Variants in CCDC22 observed in about 807,000 individuals in gnomAD.
The protein encoded by CCDC22 is coiled-coil domain-containing protein 22.
CCDC22 carries 4 observed loss-of-function variants against 53.1 expected under a neutral mutation model. That is an observed-to-expected ratio of 0.08 (90% CI 0.04 to 0.17). The LOEUF is 0.17. Ranked by LOEUF, CCDC22 falls within the 10% of genes least tolerant of loss-of-function variation. CCDC22 has a pLI of 1.00. For missense variants in CCDC22, 458 were observed against 554.0 expected, an observed-to-expected ratio of 0.83 and a Z score of 1.74; for synonymous variants, 222 against 224.4, an observed-to-expected ratio of 0.99 and a Z score of 0.10.
intron 16 of CCDC22, 72 bp from the exon 17 acceptor site, chrX:49,250,076 A>C: frequency 1.6e-6 from 1 of 635,334 alleles, no homozygotes; most frequent in Non-Finnish European, 2.5e-6. Flanking sequence ...AGTGGCTGTG[A>C]TGGGGGCTGG....
intron 16 of CCDC22, among the ~76,000 whole-genome samples, 175 bp downstream of exon 16, chrX:49,249,900 C>T (rs1557115145): frequency 8.8e-6 from 1 of 113,046 alleles, no homozygotes; most frequent in East Asian, 2.8e-4. Flanking sequence ...AGCTTCCACC[C>T]CAAGGGCCCT....
chrX:49,249,371 G>A, intron 14 of CCDC22, 109 bp downstream of exon 14: 1 of 859,458 alleles, frequency 1.2e-6, no homozygotes, highest in Non-Finnish European at 1.7e-6. Flanking sequence ...CGAGGCTGGA[G>A]GTGCACTGAT....
Position 49,250,288 on chromosome X carries a change from A to T in CCDC22, c.*27A>T. 1 of 861,385 alleles carries T rather than the reference A, an allele frequency of 1.2e-6. No homozygotes were observed. Among genetic ancestry groups the T allele is most frequent in the Non-Finnish European group, 1.7e-6 (1 of 594,468 alleles). 71.0% of individuals were successfully genotyped at this position (861,385 alleles called of 1,213,427 possible). Reference sequence around the variant, plus strand: ...GAGCCGCCGGCAGAGGTCTCTCCCCAGCCTCAGGCAGGGATTTGGGGTGCT... The same window carrying T: ...GAGCCGCCGGCAGAGGTCTCTCCCCTGCCTCAGGCAGGGATTTGGGGTGCT... On this transcript the variant is annotated 3_prime_UTR_variant, in exon 17 of 17. Transcript: ENST00000376227.
Position 49,235,631 on chromosome X carries a change from T to A in CCDC22, c.-6T>A. The A allele has an allele frequency of 8.5e-7, 1 of 1,177,325 alleles. No individual in the cohort carries two copies. ...ACCCAGCCCCCGACTCCGACACGGC[T>A]CCACCATGGAGGAGGCGGACCGAAT... On this transcript the variant is annotated 5_prime_UTR_variant, in exon 1 of 17. Transcript: ENST00000376227.
intron 2 of CCDC22, among the ~76,000 whole-genome samples, chrX:49,240,843 T>C (rs1208795605): frequency 8.9e-6 from 1 of 112,059 alleles, no homozygotes; most frequent in Non-Finnish European, 1.9e-5. Flanking sequence ...CAAAGTAAAA[T>C]ACCTTAAAAG....
chrX:49,239,513 C>T (rs994083400), intron 2 of CCDC22: 56 of 649,114 alleles, frequency 8.6e-5, no homozygotes, highest in Non-Finnish European at 9.6e-5. Flanking sequence ...GGTGGAGGGA[C>T]GATAGAGTAA....
intron 6 of CCDC22, among the ~76,000 whole-genome samples, chrX:49,244,882 T>C (rs1452059075): frequency 9.1e-6 from 1 of 110,152 alleles, no homozygotes; most frequent in Non-Finnish European, 1.9e-5. Flanking sequence ...AACCTCTTTG[T>C]CCCCTCTTCT....
intron 2 of CCDC22, among the ~76,000 whole-genome samples, chrX:49,240,570 C>G (rs781994360): frequency 9.0e-6 from 1 of 111,590 alleles, no homozygotes; most frequent in East Asian, 2.8e-4. Context: ...AAATAAAAAA[C>G]AGGTACATAT....
chrX:49,239,099 C>A (rs782469069), intron 2 of CCDC22, among the ~76,000 whole-genome samples: 1 of 111,337 alleles, frequency 9.0e-6, no homozygotes, highest in East Asian at 2.8e-4. Flanking sequence ...CTGCCTCAGC[C>A]TGCCGAGTGG....
Position 49,249,724 on chromosome X carries a change from A to G in CCDC22, c.1769A>G (p.Gln590Arg), listed in dbSNP as rs1557115115. ...CGGGAGGTTCGAGACCTCGAGGAGC[A>G]GGTGAGGCCTGGGGGCAGGATGGGG... is the stretch of plus-strand genomic sequence containing the variant. ...IMREVRDLEE[Q>R]IETELGKKTL... The change falls in exon 16 of 17, where the codon CAG becomes CGG. Residue 590 changes from glutamine to arginine, a missense_variant and splice_region_variant. This residue lies in a region of CCDC22 where 46 missense variants were observed against 52.3 expected (regional missense o/e 0.88). Transcript: ENST00000376227. The G allele has an allele frequency of 8.3e-7, 1 of 1,202,729 alleles. No individual in the cohort carries two copies. The highest frequency in any genetic ancestry group is 2.2e-5 in the Admixed American group (1 of 46,083).
rs370520726 is a variant in CCDC22, at chrX:49,249,242, A to G, written c.1615A>G (p.Thr539Ala). ...GAAGCTGGACCGGACGTTTGCGGTG[A>G]CTGATGAGCTTGTGTTCAAGGTGTG... is the stretch of plus-strand genomic sequence containing the variant. ...SGKLDRTFAVTDELVFKDAKK... is the reference protein window; with the variant it reads ...SGKLDRTFAVADELVFKDAKK... The change falls in exon 14 of 17, where the codon ACT becomes GCT. Residue 539 changes from threonine to alanine, a missense_variant. By Grantham distance (58) the Thr-to-Ala change is moderately conservative. Transcript: ENST00000376227. 1 of 1,207,977 alleles carries G rather than the reference A, an allele frequency of 8.3e-7. No homozygotes were observed. The highest frequency in any genetic ancestry group is 1.7e-5 in the African/African-American group (1 of 57,715).
chrX:49,237,262 T>C lies in CCDC22; in HGVS notation c.227T>C (p.Met76Thr), dbSNP rs1557112866. The C allele has an allele frequency of 1.7e-6, 2 of 1,199,183 alleles. No homozygotes were observed. The highest frequency in any genetic ancestry group is 4.4e-5 in the Admixed American group (2 of 45,385). ...GCCATGAGCCTGGCTCAGGCCTGCA[T>C]GGTGAGTGGCCCTCCTCCTAATGCA... Reference protein sequence around the residue: ...RLAMSLAQACMDLGYPLELGY... With the variant: ...RLAMSLAQACTDLGYPLELGY... The change falls in exon 2 of 17, where the codon ATG (methionine) becomes ACG (threonine). Residue 76 changes from methionine to threonine, a missense_variant and splice_region_variant. Physicochemically the swap from Met to Thr is moderately conservative, Grantham distance 81. This residue lies in a region of CCDC22 where 55 missense variants were observed against 106.0 expected (regional missense o/e 0.52). Coordinates refer to ENST00000376227, the MANE Select transcript of CCDC22 (RefSeq NM_014008.5).
At position 49,249,397 on chromosome X, in the gene CCDC22, T is replaced by C. The variant is rs1366737343; in HGVS notation, c.1636-112T>C. 3 of 914,692 alleles carry C rather than the reference T, an allele frequency of 3.3e-6. No homozygotes were observed. The African/African-American group carries it at 5.8e-5, about 18-fold the overall frequency. 75.4% of individuals were successfully genotyped at this position (914,692 alleles called of 1,213,427 possible). ...GTGCACTGATACCCAGGGCTGGCTT[T>C]GTTTCATGGAGGATGAAGCTAGTGG... On this transcript the variant is annotated intron_variant, in intron 14 of 16. Coordinates refer to ENST00000376227, the MANE Select transcript of CCDC22 (RefSeq NM_014008.5).
chrX:49,246,997 AC>A, intron 7 of CCDC22, 72 bp downstream of exon 7: 1 of 875,075 alleles, frequency 1.1e-6, no homozygotes, highest in Non-Finnish European at 1.6e-6. Flanking sequence ...TTGTGTCAGC[AC>A]CACACCTTTA....
At chrX:49,236,442 A>G (rs2065938680) in intron 1 of CCDC22, among the ~76,000 whole-genome samples, 1 of 110,168 alleles carries the variant, frequency 9.1e-6, no homozygotes, top group Non-Finnish European at 1.9e-5. Flanking sequence ...TCCTGACCTC[A>G]AGTGATCTGC....
chrX:49,244,507 G>A (rs782107003), intron 6 of CCDC22, among the ~76,000 whole-genome samples: 1 of 108,676 alleles, frequency 9.2e-6, no homozygotes, highest in African/African-American at 3.4e-5. Flanking sequence ...CTTCCTCTCT[G>A]TCCACCTCTG....
chrX:49,235,695 A>G lies in CCDC22; in HGVS notation c.50+9A>G, dbSNP rs1557112544. ...CTGCGCCAGGCCGGCACGTAAGGAC[A>G]GAGCCCCCGCCCACCCCCGAAGCCC... On this transcript the variant is annotated intron_variant, in intron 1 of 16. Coordinates refer to ENST00000376227, the MANE Select transcript of CCDC22 (RefSeq NM_014008.5). 2 of 1,179,260 alleles carry G rather than the reference A, an allele frequency of 1.7e-6. No individual in the cohort carries two copies. Among genetic ancestry groups the G allele is most frequent in the Non-Finnish European group, 2.3e-6 (2 of 877,600 alleles).
intron 14 of CCDC22, 57 bp downstream of exon 14, chrX:49,249,319 A>G (rs2066010692): frequency 2.0e-6 from 2 of 1,006,771 alleles, no homozygotes; most frequent in Non-Finnish European, 2.8e-6. Context: ...TGCCTTGTGC[A>G]TCTGCTAATT....
chrX:49,244,515 C>T (rs1217664911), intron 6 of CCDC22, among the ~76,000 whole-genome samples: 1 of 110,401 alleles, frequency 9.1e-6, no homozygotes, highest in Non-Finnish European at 1.9e-5. Flanking sequence ...CTGTCCACCT[C>T]TGTATTTGTC....
Sources: allele counts gnomAD v4.1 joint callset (sites outside exome capture counted in the v4.1 genomes callset), GRCh38; gene constraint gnomAD v4.1.1; regional missense constraint gnomAD v4.1.1; transcripts MANE v1.5; gene names NCBI Gene and HGNC (gene_info 2026-07-23, HGNC 2026-07-21).